Variants in ASIC2 observed in about 807,000 individuals in gnomAD.
ASIC2 encodes acid sensing ion channel subunit 2.
ASIC2 carries 25 observed loss-of-function variants against 57.3 expected under a neutral mutation model. The ratio of observed to expected loss-of-function variants is 0.44; its 90% CI spans 0.32 to 0.61. ASIC2 has a LOEUF of 0.61. ASIC2 is among the 20% of genes least tolerant of loss of function. The pLI is 0.06. For synonymous variants in ASIC2, 319 were observed against 307.5 expected (o/e 1.04, Z -0.39); for missense variants, 641 against 738.1 (o/e 0.87, Z 1.52).
chr17:33,159,737 G>T (rs1905108812), intron 1 of ASIC2, among the ~76,000 whole-genome samples: 1 of 152,192 alleles, frequency 6.6e-6, no homozygotes, highest in South Asian at 2.1e-4. Flanking sequence ...CATAAGAGTT[G>T]TGGCTCTATA....
In ASIC2 at chr17:33,983,179, G is replaced by A. The variant is rs1353941870; in HGVS notation, c.555+172799C>T. 2.6e-5 allele frequency among the ~76,000 whole-genome samples: 4 copies of A among 152,174 alleles called. No individual in the cohort carries two copies. In the East Asian group the frequency reaches 7.7e-4, roughly 29 times the overall value. ...TAATATGTGCACATGATGGTAATTG[G>A]TCTCTAGTTGCCTGGAGATTTCAGA... is the stretch of plus-strand genomic sequence containing the variant. On this transcript the variant is annotated intron_variant, in intron 1 of 9. Coordinates refer to the ASIC2 transcript ENST00000359872.
At chr17:33,767,358 T>TTG (rs1315757899) in intron 1 of ASIC2, among the ~76,000 whole-genome samples, 1 of 152,170 alleles carries the variant, frequency 6.6e-6, no homozygotes, top group Admixed American at 6.5e-5. Context: ...TCACTCAGCT[T>TTG]TGTGTGTGTG....
chr17:33,053,875 G>A (rs2091987543), intron 3 of ASIC2, among the ~76,000 whole-genome samples: 1 of 152,134 alleles, frequency 6.6e-6, no homozygotes, highest in Admixed American at 6.5e-5. Context: ...AACATGACTG[G>A]CAGTTAGCAA....
chr17:33,726,824 T>A (rs1044413677), intron 1 of ASIC2, among the ~76,000 whole-genome samples: 6 of 152,174 alleles, frequency 3.9e-5, no homozygotes, highest in African/African-American at 1.2e-4. Context: ...TTTGGAAAGG[T>A]GTGACCTCCT....
intron 1 of ASIC2, among the ~76,000 whole-genome samples, chr17:34,149,312 G>T (rs189543545): frequency 8.6e-5 from 13 of 151,828 alleles, no homozygotes; most frequent in African/African-American, 3.1e-4. Context: ...TTACTATATT[G>T]CCCAGGTTTC....
intron 1 of ASIC2, among the ~76,000 whole-genome samples, chr17:33,239,290 C>CA (rs201050421): frequency 0.083 from 12,041 of 145,562 alleles, 504 homozygotes; most frequent in East Asian, 0.12. Context: ...GACTCCGTCT[C>CA]AAAAAAAAAA....
intron 1 of ASIC2, among the ~76,000 whole-genome samples, chr17:34,095,392 G>A (rs1334182127): frequency 6.6e-6 from 1 of 152,018 alleles, no homozygotes; most frequent in Non-Finnish European, 1.5e-5. Context: ...GCTACAATAT[G>A]AAAGGGTTGA....
At chr17:34,142,922 G>A (rs1035113690) in intron 1 of ASIC2, 1 of 152,202 alleles carries the variant, frequency 6.6e-6, no homozygotes, top group African/African-American at 2.4e-5. Flanking sequence ...TTGGAGAAAT[G>A]TCAAGTGTTA....
At chr17:33,404,655 A>G (rs964574425) in intron 1 of ASIC2, among the ~76,000 whole-genome samples, 5 of 152,236 alleles carry the variant, frequency 3.3e-5, no homozygotes, top group Non-Finnish European at 7.3e-5. Flanking sequence ...AAGAGGGACA[A>G]CATATGCATC....
rs145666478 is a variant in ASIC2 at position 33,477,163 on chromosome 17, A to T, written c.556-365096T>A. Among the ~76,000 whole-genome samples, 648 of 152,278 alleles carry T rather than the reference A, an allele frequency of 4.3e-3. 4 individuals are homozygous for T. The highest frequency in any genetic ancestry group is 0.015 in the African/African-American group (616 of 41,544). ...CTTATTGAAGGACATTTAAACTTAA[A>T]CATATATATACTCAGAATTGCTGGG... On this transcript the variant is annotated intron_variant, in intron 1 of 9. Coordinates refer to the ASIC2 transcript ENST00000359872.
intron 1 of ASIC2, among the ~76,000 whole-genome samples, chr17:33,957,599 A>G (rs1178451672): frequency 1.3e-5 from 2 of 152,184 alleles, no homozygotes; most frequent in African/African-American, 4.8e-5. Flanking sequence ...CTTATTCTCT[A>G]TCATGAGAAT....
chr17:33,328,230 C>T (rs1047370223), intron 1 of ASIC2, among the ~76,000 whole-genome samples: 2 of 152,114 alleles, frequency 1.3e-5, no homozygotes, highest in African/African-American at 4.8e-5. Flanking sequence ...TGACATCCAT[C>T]GTGTTACAAA....
At chr17:34,034,069 T>A (rs1339457910) in intron 1 of ASIC2, among the ~76,000 whole-genome samples, 2 of 152,114 alleles carry the variant, frequency 1.3e-5, no homozygotes, top group Non-Finnish European at 2.9e-5. Context: ...AAAAGAGAAT[T>A]TTAGACCAAT....
At chr17:33,063,378 A>G (rs556160837) in intron 3 of ASIC2, among the ~76,000 whole-genome samples, 87 of 152,212 alleles carry the variant, frequency 5.7e-4, no homozygotes, top group African/African-American at 2.0e-3. Flanking sequence ...ATCTCTCAGC[A>G]TTTGCTTGTC....
chr17:33,608,427 C>T (rs976125059), intron 1 of ASIC2, among the ~76,000 whole-genome samples: 1 of 152,118 alleles, frequency 6.6e-6, no homozygotes, highest in Non-Finnish European at 1.5e-5. Flanking sequence ...TTCGGCATCT[C>T]CAACTGTAGG....
intron 3 of ASIC2, among the ~76,000 whole-genome samples, chr17:33,075,314 A>T (rs1434083104): frequency 6.6e-6 from 1 of 152,116 alleles, no homozygotes; most frequent in Non-Finnish European, 1.5e-5. Flanking sequence ...GACACATGGA[A>T]ATGTGAGTCC....
chr17:34,131,734 C>A (rs1346009750), intron 1 of ASIC2, among the ~76,000 whole-genome samples: 1 of 152,278 alleles, frequency 6.6e-6, no homozygotes, highest in Non-Finnish European at 1.5e-5. Context: ...CGTGCCTTTC[C>A]TTTAATCCCA....
intron 1 of ASIC2, among the ~76,000 whole-genome samples, chr17:33,464,522 TTC>T (rs1326955433): frequency 2.1e-3 from 84 of 40,334 alleles, no homozygotes; most frequent in African/African-American, 8.1e-3. Context: ...CTTTCTTTCT[TTC>T]TTTCTTTCTT....
At chr17:33,830,560 T>G (rs986271967) in intron 1 of ASIC2, among the ~76,000 whole-genome samples, 3 of 152,106 alleles carry the variant, frequency 2.0e-5, no homozygotes, top group Non-Finnish European at 4.4e-5. Flanking sequence ...AAAAATTTTT[T>G]TTTTACTTTA....
Sources: allele counts gnomAD v4.1 joint callset (sites outside exome capture counted in the v4.1 genomes callset), GRCh38; gene constraint gnomAD v4.1.1; transcripts MANE v1.5; gene names NCBI Gene and HGNC (gene_info 2026-07-23, HGNC 2026-07-21).